The following CD9 variants were observed in gnomAD, a reference collection of about 807,000 sequenced individuals.
The protein encoded by CD9 is CD9 antigen.
A neutral mutation model predicts 31.4 loss-of-function variants in CD9; 10 were observed. The ratio of observed to expected loss-of-function variants is 0.32; its 90% CI spans 0.20 to 0.54. CD9 has a LOEUF of 0.54. Among genes scored for constraint, CD9 ranks in the 20% least tolerant of loss-of-function variants. CD9 has a pLI of 0.94. For synonymous variants in CD9, 113 were observed against 114.1 expected (o/e 0.99, Z 0.06); for missense variants, 259 against 300.1 (o/e 0.86, Z 1.01).
chr12:6,201,099 G>A (rs987716491), intron 1 of CD9: 4 of 152,306 alleles, frequency 2.6e-5, no homozygotes, highest in Admixed American at 2.0e-4. Context: ...AGCGGCAGGG[G>A]TGCCTCGGCC....
chr12:6,215,937 G>A (rs1460111952), intron 1 of CD9, among the ~76,000 whole-genome samples: 1 of 152,176 alleles, frequency 6.6e-6, no homozygotes, highest in Non-Finnish European at 1.5e-5. Context: ...CTGGATAAGG[G>A]AGCACCCCAA....
At chr12:6,225,161 G>T (rs1262271659) in intron 1 of CD9, 2 of 482,368 alleles carry the variant, frequency 4.1e-6, no homozygotes, top group Non-Finnish European at 7.4e-6. Flanking sequence ...CGTTTTCACT[G>T]CTGTATAGTG....
In CD9 at chr12:6,237,801, T is replaced by C; in HGVS notation, c.660T>C (p.Ala220=). The change falls in exon 8 of 8, where the codon GCT becomes GCC. Residue 220 remains alanine (A), a synonymous_variant. Coordinates refer to ENST00000009180, the MANE Select transcript of CD9 (RefSeq NM_001769.4). ...GMIFSMILCC[A]IRRNREMV ...TCTTCAGTATGATCTTGTGCTGTGC[T>C]ATCCGCAGGAACCGCGAGATGGTCT... 2 of 1,613,614 alleles carry C rather than the reference T, an allele frequency of 1.2e-6. No individual in the cohort carries two copies. Among genetic ancestry groups the C allele is most frequent in the South Asian group, 2.2e-5 (2 of 91,066 alleles).
intron 1 of CD9, among the ~76,000 whole-genome samples, chr12:6,209,129 C>T (rs1402562579): frequency 6.6e-6 from 1 of 152,120 alleles, no homozygotes; most frequent in African/African-American, 2.4e-5. Context: ...CCACCACGCC[C>T]AGCTAATTTT....
chr12:6,236,245 C>T lies in CD9; in HGVS notation c.591C>T (p.Gly197=), dbSNP rs780757575. The T allele has an allele frequency of 1.4e-5, 23 of 1,614,088 alleles. No homozygotes were observed. Among genetic ancestry groups the T allele is most frequent in the Non-Finnish European group, 1.7e-5 (20 of 1,180,030 alleles). ...EVFDNKFHII[G]AVGIGIAVVM... ...TCGACAATAAATTCCACATCATCGG[C>T]GCAGTGGGCATCGGCATTGCCGTGG... Residue 197 remains glycine, a synonymous_variant, in exon 7 of 8, where the codon GGC becomes GGT. Transcript: ENST00000009180.
At chr12:6,206,222 CTT>C (rs1251667675) in intron 1 of CD9, 3 of 143,208 alleles carry the variant, frequency 2.1e-5, no homozygotes, top group Non-Finnish European at 3.1e-5. Flanking sequence ...TTCTTTCTTT[CTT>C]TTTTTTTTTG....
intron 1 of CD9, among the ~76,000 whole-genome samples, chr12:6,205,710 A>G (rs1946123279): frequency 6.6e-6 from 1 of 152,198 alleles, no homozygotes. Context: ...TTGGAACTTA[A>G]TAATACCTTG....
chr12:6,227,466 G>A (rs561218566), intron 2 of CD9, among the ~76,000 whole-genome samples: 1 of 152,278 alleles, frequency 6.6e-6, no homozygotes, highest in South Asian at 2.1e-4. Context: ...CCGAAGTGAT[G>A]GGATGACAGG....
chr12:6,226,818 A>T (rs11568246), intron 2 of CD9, among the ~76,000 whole-genome samples: 4 of 152,148 alleles, frequency 2.6e-5, no homozygotes, highest in Non-Finnish European at 5.9e-5. Flanking sequence ...GCAACAGACC[A>T]TTTTTTGGGA....
At position 6,235,256 on chromosome 12, in the gene CD9, A is replaced by G. The variant is rs758467540; in HGVS notation, c.376A>G (p.Lys126Glu). Residue 126 changes from lysine (K) to glutamate (E), a missense_variant, in exon 5 of 8, where the codon AAG becomes GAG. Coordinates refer to ENST00000009180, the MANE Select transcript of CD9 (RefSeq NM_001769.4). Reference sequence around the variant, plus strand: ...GATTAAGGAAGTCCAGGAGTTTTACAAGGACACCTACAACAAGCTGAAAAC... The same window carrying G: ...GATTAAGGAAGTCCAGGAGTTTTACGAGGACACCTACAACAAGCTGAAAAC... ...EVIKEVQEFY[K>E]DTYNKLKTKD... 12 of 1,607,912 alleles carry G rather than the reference A, an allele frequency of 7.5e-6. No individual in the cohort carries two copies. Among genetic ancestry groups the G allele is most frequent in the Non-Finnish European group, 1.0e-5 (12 of 1,174,684 alleles).
At chr12:6,235,735 A>G in intron 6 of CD9, 170 bp downstream of exon 6, 1 of 1,418,696 alleles carries the variant, frequency 7.0e-7, no homozygotes, top group Non-Finnish European at 9.2e-7. Flanking sequence ...CTGTTTACTC[A>G]AGGGCAATAA....
At chr12:6,222,551 G>A (rs192253218) in intron 1 of CD9, among the ~76,000 whole-genome samples, 3 of 152,326 alleles carry the variant, frequency 2.0e-5, no homozygotes, top group East Asian at 1.9e-4. Flanking sequence ...GGGGACTCCC[G>A]ACTCCGGGCT....
chr12:6,235,588 G>A (rs367564719), intron 6 of CD9, 23 bp downstream of exon 6: 19 of 1,596,302 alleles, frequency 1.2e-5, no homozygotes, highest in Non-Finnish European at 1.5e-5. Flanking sequence ...CAGGATCCTG[G>A]TGTCCCTGCC....
intron 1 of CD9, among the ~76,000 whole-genome samples, chr12:6,215,083 TCA>T (rs1355615414): frequency 3.9e-5 from 6 of 152,104 alleles, no homozygotes; most frequent in African/African-American, 1.2e-4. Flanking sequence ...TCCCCGTGGC[TCA>T]CAGTGCTGGT....
chr12:6,207,632 C>T (rs1259638488), intron 1 of CD9, among the ~76,000 whole-genome samples: 12 of 152,188 alleles, frequency 7.9e-5, no homozygotes, highest in African/African-American at 1.7e-4. Flanking sequence ...CGGAAAGTCT[C>T]GTCCTCTGAG....
At chr12:6,222,490 C>G (rs911078134) in intron 1 of CD9, among the ~76,000 whole-genome samples, 2 of 152,220 alleles carry the variant, frequency 1.3e-5, no homozygotes, top group African/African-American at 4.8e-5. Context: ...AATGTTGTAG[C>G]TTTGACAACC....
At chr12:6,215,884 G>T (rs564319379) in intron 1 of CD9, among the ~76,000 whole-genome samples, 20 of 152,346 alleles carry the variant, frequency 1.3e-4, no homozygotes, top group South Asian at 4.1e-4. Context: ...GATTACAGCG[G>T]AGTTTTGGTT....
chr12:6,202,257 C>G (rs534587544), intron 1 of CD9, among the ~76,000 whole-genome samples: 1 of 152,190 alleles, frequency 6.6e-6, no homozygotes, highest in Non-Finnish European at 1.5e-5. Flanking sequence ...TCCTTCCCAA[C>G]CCTTGACTTG....
chr12:6,234,456 A>G (rs1239599552), intron 4 of CD9: 1 of 151,364 alleles, frequency 6.6e-6, no homozygotes, highest in Non-Finnish European at 1.5e-5. Flanking sequence ...TAGCCCAGCC[A>G]AGGGAACTCT....
Sources: allele counts gnomAD v4.1 joint callset (sites outside exome capture counted in the v4.1 genomes callset), GRCh38; gene constraint gnomAD v4.1.1; transcripts MANE v1.5; gene names NCBI Gene and HGNC (gene_info 2026-07-23, HGNC 2026-07-21).